SESTD1: variants seen among roughly 807,000 people sequenced by gnomAD.
The protein encoded by SESTD1 is SEC14 and spectrin domain containing 1.
SESTD1 carries 43 observed loss-of-function variants against 101.7 expected under a neutral mutation model. That is an observed-to-expected ratio of 0.42 (90% CI 0.33 to 0.55). The LOEUF (loss-of-function observed/expected upper bound fraction) is 0.55. SESTD1 is among the 20% of genes least tolerant of loss of function. The pLI, the probability that SESTD1 is intolerant of heterozygous loss-of-function variation, is 0.07. For missense variants in SESTD1, 647 were observed against 815.1 expected (o/e 0.79, Z 2.51); for synonymous variants, 283 against 286.8 (o/e 0.99, Z 0.13).
At chr2:179,261,072 T>C (rs1256756113) in intron 1 of SESTD1, among the ~76,000 whole-genome samples, 1 of 152,162 alleles carries the variant, frequency 6.6e-6, no homozygotes, top group Non-Finnish European at 1.5e-5. Flanking sequence ...TCTGAAACAG[T>C]GGGTTCTAGG....
chr2:179,233,184 C>G (rs550871011), intron 1 of SESTD1, among the ~76,000 whole-genome samples: 1 of 152,142 alleles, frequency 6.6e-6, no homozygotes, highest in Admixed American at 6.5e-5. Flanking sequence ...ATTTTTACTA[C>G]GTATTCTCAG....
intron 17 of SESTD1, 44 bp from the exon 18 acceptor site, chr2:179,110,072 C>A: frequency 6.3e-7 from 1 of 1,599,450 alleles, no homozygotes; most frequent in Non-Finnish European, 8.5e-7. Flanking sequence ...TAATACAAAT[C>A]TATTAACTGC....
chr2:179,161,910 T>G (rs1337090797), intron 5 of SESTD1, among the ~76,000 whole-genome samples: 1 of 152,204 alleles, frequency 6.6e-6, no homozygotes, highest in Non-Finnish European at 1.5e-5. Context: ...TTCATCACAC[T>G]GCATACTATG....
intron 4 of SESTD1, among the ~76,000 whole-genome samples, chr2:179,176,099 A>G (rs1343959345): frequency 6.6e-6 from 1 of 152,214 alleles, no homozygotes; most frequent in Non-Finnish European, 1.5e-5. Flanking sequence ...ATGGGGTGCA[A>G]GAGGGAGAAT....
chr2:179,156,910 A>G (rs1303727572), intron 5 of SESTD1, among the ~76,000 whole-genome samples: 1 of 152,080 alleles, frequency 6.6e-6, no homozygotes, highest in Non-Finnish European at 1.5e-5. Flanking sequence ...CCAATGTCTA[A>G]AAGGGTTTTT....
chr2:179,136,174 T>C (rs1399150327), intron 9 of SESTD1, among the ~76,000 whole-genome samples: 1 of 152,210 alleles, frequency 6.6e-6, no homozygotes, highest in Non-Finnish European at 1.5e-5. Flanking sequence ...GTTGAAAGAC[T>C]TTGGTTTCTC....
intron 3 of SESTD1, among the ~76,000 whole-genome samples, chr2:179,182,508 A>G (rs2046132158): frequency 6.6e-6 from 1 of 152,094 alleles, no homozygotes; most frequent in Non-Finnish European, 1.5e-5. Flanking sequence ...ATTATGGGAG[A>G]AGCAGATGGG....
chr2:179,144,308 G>A (rs2105442336), intron 8 of SESTD1, among the ~76,000 whole-genome samples: 1 of 152,024 alleles, frequency 6.6e-6, no homozygotes, highest in Admixed American at 6.5e-5. Context: ...TAAAAAAAAG[G>A]TGACAGTATA....
intron 1 of SESTD1, among the ~76,000 whole-genome samples, chr2:179,253,074 C>T (rs1256363587): frequency 6.6e-6 from 1 of 152,096 alleles, no homozygotes; most frequent in East Asian, 1.9e-4. Context: ...TCACAGACTT[C>T]CAAACATAAA....
Position 179,110,095 on chromosome 2 carries a change from T to C in SESTD1, c.1962-67A>G, listed in dbSNP as rs2044474706. 4 of 1,521,758 alleles carry C rather than the reference T, an allele frequency of 2.6e-6. No individual in the cohort carries two copies. The South Asian group carries it at 4.8e-5, about 18-fold the overall frequency. The allele number at this position is 1,521,758 out of a possible 1,614,324, so 94.3% of individuals were successfully genotyped here. A position where few individuals can be genotyped will look rare whatever the true frequency, so the allele number is the denominator to read the frequency against. On this transcript the variant is annotated intron_variant, in intron 17 of 17. Transcript: ENST00000428443. ...ATCTATTAACTGCAGTGAATACAAA[T>C]AGAAGCAAAAATTTACCATAAAAAA...
At chr2:179,256,027 A>T (rs1207342878) in intron 1 of SESTD1, among the ~76,000 whole-genome samples, 1 of 152,200 alleles carries the variant, frequency 6.6e-6, no homozygotes, top group East Asian at 1.9e-4. Flanking sequence ...CAGACAAAAA[A>T]AAAAAAAGAT....
At chr2:179,153,500 GCTCT>G (rs566641194) in intron 5 of SESTD1, among the ~76,000 whole-genome samples, 1 of 151,776 alleles carries the variant, frequency 6.6e-6, no homozygotes, top group Non-Finnish European at 1.5e-5. Flanking sequence ...ACACTCTCTC[GCTCT>G]CTCTCTCACA....
Position 179,173,043 on chromosome 2 carries a change from G to C in SESTD1, c.256-810C>G, listed in dbSNP as rs573067891. On this transcript the variant is annotated intron_variant, in intron 4 of 17. Coordinates refer to ENST00000428443, the MANE Select transcript of SESTD1 (RefSeq NM_178123.5). ...AGCTCAGGCCCCTGTTGGCCTCTCA[G>C]ATCTCATCTTACACCTTCCCCTGCT... Among the ~76,000 whole-genome samples, 21 of 152,278 alleles carry C rather than the reference G, an allele frequency of 1.4e-4. 1 individual carries two copies. The East Asian group carries it at 2.3e-3, about 17-fold the overall frequency.
chr2:179,199,350 A>T (rs1035352285), intron 1 of SESTD1, among the ~76,000 whole-genome samples: 5 of 152,164 alleles, frequency 3.3e-5, no homozygotes, highest in African/African-American at 1.2e-4. Flanking sequence ...GACCAGATGG[A>T]TTCACAGCTG....
chr2:179,241,313 G>A (rs561513866), intron 1 of SESTD1, among the ~76,000 whole-genome samples: 8 of 152,064 alleles, frequency 5.3e-5, no homozygotes, highest in Non-Finnish European at 1.2e-4. Context: ...GAAATTAAGG[G>A]CTAAAAACTT....
chr2:179,144,164 C>G (rs558649354), intron 8 of SESTD1, among the ~76,000 whole-genome samples: 1 of 151,710 alleles, frequency 6.6e-6, no homozygotes, highest in South Asian at 2.1e-4. Flanking sequence ...GAATTCATTA[C>G]TCAGGATACT....
intron 15 of SESTD1, 127 bp from the exon 16 acceptor site, chr2:179,115,383 G>A: frequency 1.6e-6 from 1 of 642,406 alleles, no homozygotes; most frequent in African/African-American, 1.8e-5. Context: ...AATAAATCTA[G>A]TGGCACTTAT....
chr2:179,165,407 T>A (rs2045817894), intron 5 of SESTD1, among the ~76,000 whole-genome samples: 1 of 152,208 alleles, frequency 6.6e-6, no homozygotes, highest in African/African-American at 2.4e-5. Context: ...TCTGAGCAGA[T>A]GCCTATTTAG....
chr2:179,246,114 G>T (rs562408824), intron 1 of SESTD1, among the ~76,000 whole-genome samples: 2 of 152,240 alleles, frequency 1.3e-5, no homozygotes, highest in Middle Eastern at 6.8e-3. Flanking sequence ...AATTAGCTGG[G>T]TGTGGTGGCG....
Sources: gnomAD v4.1 joint callset for allele counts (sites outside exome capture counted in the v4.1 genomes callset) on GRCh38, gnomAD v4.1.1 for gene constraint, MANE v1.5 for transcripts, NCBI Gene and HGNC (gene_info 2026-07-23, HGNC 2026-07-21) for gene names.